ARID4B: variants seen among roughly 807,000 people sequenced by gnomAD.
The protein encoded by ARID4B is AT-rich interaction domain 4B.
Under a neutral mutation model 147.5 loss-of-function variants are expected in ARID4B, and 26 were observed. That is an observed-to-expected ratio of 0.18 (90% CI 0.13 to 0.24). The LOEUF (loss-of-function observed/expected upper bound fraction) is 0.24, where lower values mean the gene tolerates loss of function less well. ARID4B is among the 10% of genes least tolerant of loss of function. ARID4B has a pLI of 1.00. For missense variants in ARID4B, 1,179 were observed against 1,511.5 expected, an observed-to-expected ratio of 0.78 and a Z score of 3.65; for synonymous variants, 512 against 507.9, an observed-to-expected ratio of 1.01 and a Z score of -0.11.
chr1:235,197,067 C>T (rs541657221), intron 17 of ARID4B, among the ~76,000 whole-genome samples: 1 of 151,896 alleles, frequency 6.6e-6, no homozygotes, highest in African/African-American at 2.4e-5. Flanking sequence ...TGATGGTCTT[C>T]ACAATTTCAT....
intron 19 of ARID4B, among the ~76,000 whole-genome samples, chr1:235,188,646 C>T (rs914666156): frequency 6.6e-6 from 1 of 152,192 alleles, no homozygotes. Context: ...CTCCACCCCA[C>T]TCTCTGTTCT....
chr1:235,257,264 C>T (rs1426054826), intron 3 of ARID4B, 39 bp from the exon 4 acceptor site: 1 of 1,303,550 alleles, frequency 7.7e-7, no homozygotes, highest in Non-Finnish European at 1.1e-6. Context: ...AAAAATAAAC[C>T]AAGCAACACA....
intron 19 of ARID4B, among the ~76,000 whole-genome samples, chr1:235,186,202 C>T (rs1222744284): frequency 2.6e-5 from 4 of 151,996 alleles, no homozygotes; most frequent in Admixed American, 2.6e-4. Context: ...TTCCTGACCT[C>T]GTGATCCGCC....
At chr1:235,300,796 A>G (rs1572189491) in intron 2 of ARID4B, among the ~76,000 whole-genome samples, 1 of 151,866 alleles carries the variant, frequency 6.6e-6, no homozygotes, top group African/African-American at 2.4e-5. Context: ...TGCAACCTCC[A>G]CCTCCCAGGT....
At chr1:235,177,530 G>A (rs1663973455) in intron 21 of ARID4B, 1 of 249,398 alleles carries the variant, frequency 4.0e-6, no homozygotes, top group East Asian at 7.7e-5. Flanking sequence ...CAATGTGCAG[G>A]TTTGTTACAT....
intron 19 of ARID4B, among the ~76,000 whole-genome samples, chr1:235,188,107 G>GT (rs1664818706): frequency 6.6e-6 from 1 of 151,952 alleles, no homozygotes; most frequent in Admixed American, 6.6e-5. Context: ...ATATGTGTGT[G>GT]GGGGGGTTTG....
At chr1:235,266,818 A>G (rs1272961585) in intron 2 of ARID4B, among the ~76,000 whole-genome samples, 1 of 152,228 alleles carries the variant, frequency 6.6e-6, no homozygotes, top group Non-Finnish European at 1.5e-5. Context: ...TAACACAGAC[A>G]CTGACTAGGA....
chr1:235,284,766 T>A (rs2103189614), intron 2 of ARID4B, among the ~76,000 whole-genome samples: 1 of 152,304 alleles, frequency 6.6e-6, no homozygotes, highest in Non-Finnish European at 1.5e-5. Flanking sequence ...TGGTGGCTCA[T>A]GCCTATAATC....
intron 7 of ARID4B, among the ~76,000 whole-genome samples, chr1:235,241,557 T>C (rs1300623760): frequency 6.6e-6 from 1 of 152,220 alleles, no homozygotes; most frequent in Non-Finnish European, 1.5e-5. Flanking sequence ...TCTAGCTCTG[T>C]TGCCGGGCTG....
chr1:235,213,798 G>A lies in ARID4B; in HGVS notation c.1812C>T (p.Tyr604=). 2 of 1,613,968 alleles carry A rather than the reference G, an allele frequency of 1.2e-6. No individual in the cohort carries two copies. Among genetic ancestry groups the A allele is most frequent in the Non-Finnish European group, 1.7e-6 (2 of 1,179,956 alleles). Residue 604 remains tyrosine, a synonymous_variant, in exon 17 of 24, where the codon TAC becomes TAT. Transcript: ENST00000264183. The stretch of plus-strand genomic sequence containing the variant: ...CATTCCATCCGCAGTAATGCACCAA[G>A]TAAAGGACCTCTCCACCTTCGACAT... ...DSDVEGGEVL[Y]LVHYCGWNVR...
In ARID4B at chr1:235,297,864, G is replaced by T. The variant is rs186800077; in HGVS notation, c.6+29050C>A. 2.1e-3 allele frequency among the ~76,000 whole-genome samples: 326 copies of T among 152,308 alleles called. 2 individuals are homozygous for T. The highest frequency in any genetic ancestry group is 6.8e-3 in the African/African-American group (281 of 41,568). On this transcript the variant is annotated intron_variant, in intron 2 of 23. Transcript: ENST00000264183. ...TCATCAAATAAAGGGCATGAAAAGG[G>T]TGGAGATTTAAGAGACCATTTAGAA...
At chr1:235,260,893 T>C (rs1400620831) in intron 2 of ARID4B, 141 bp from the exon 3 acceptor site, 1 of 570,708 alleles carries the variant, frequency 1.8e-6, no homozygotes, top group Non-Finnish European at 3.0e-6. Context: ...ATCTATAAAA[T>C]ACTATAAATT....
chr1:235,255,219 C>CTATATATATATATATA, intron 5 of ARID4B, among the ~76,000 whole-genome samples: 1 of 127,640 alleles, frequency 7.8e-6, no homozygotes, highest in African/African-American at 3.0e-5. Context: ...CTGCTGGGAG[C>CTATATATATATATATA]TAGATAGATA....
At chr1:235,283,492 G>A (rs1024770391) in intron 2 of ARID4B, among the ~76,000 whole-genome samples, 4 of 152,094 alleles carry the variant, frequency 2.6e-5, no homozygotes, top group South Asian at 2.1e-4. Context: ...TCTGAATTAC[G>A]AGTGATCTTT....
intron 2 of ARID4B, among the ~76,000 whole-genome samples, chr1:235,303,604 G>A (rs1405039155): frequency 6.6e-6 from 1 of 151,948 alleles, no homozygotes; most frequent in Admixed American, 6.6e-5. Context: ...TGTCTGTAAT[G>A]CCAGCTATTT....
At chr1:235,232,561 C>CA (rs34901301) in intron 9 of ARID4B, among the ~76,000 whole-genome samples, 56 of 143,960 alleles carry the variant, frequency 3.9e-4, no homozygotes, top group East Asian at 8.2e-4. Context: ...GGCAACATGG[C>CA]AAAAAAAAAA....
At chr1:235,267,913 AAAAG>A (rs1670722333) in intron 2 of ARID4B, among the ~76,000 whole-genome samples, 1 of 151,902 alleles carries the variant, frequency 6.6e-6, no homozygotes, top group Non-Finnish European at 1.5e-5. Flanking sequence ...AAAAAAAAAG[AAAAG>A]AAAAGAAAAG....
intron 2 of ARID4B, among the ~76,000 whole-genome samples, chr1:235,318,342 A>T (rs2103298651): frequency 6.6e-6 from 1 of 151,790 alleles, no homozygotes; most frequent in South Asian, 2.1e-4. Context: ...CACCCGGCTA[A>T]TTTTTTTATT....
chr1:235,279,660 T>G (rs913053646), intron 2 of ARID4B, among the ~76,000 whole-genome samples: 4 of 152,206 alleles, frequency 2.6e-5, no homozygotes, highest in African/African-American at 9.7e-5. Flanking sequence ...AAGCTGGCCC[T>G]TGGCTAAGAA....
Sources: allele counts gnomAD v4.1 joint callset (sites outside exome capture counted in the v4.1 genomes callset), GRCh38; gene constraint gnomAD v4.1.1; transcripts MANE v1.5; gene names NCBI Gene and HGNC (gene_info 2026-07-23, HGNC 2026-07-21).